Variants in EFNA5 observed in about 807,000 individuals in gnomAD.
The protein encoded by EFNA5 is ephrin A5.
EFNA5 carries 5 observed loss-of-function variants against 22.9 expected under a neutral mutation model. The ratio of observed to expected loss-of-function variants is 0.22; its 90% CI spans 0.11 to 0.46. The LOEUF (loss-of-function observed/expected upper bound fraction) is 0.46. Among genes scored for constraint, EFNA5 ranks in the 20% least tolerant of loss-of-function variants. The probability of loss-of-function intolerance (pLI) is 0.99; values close to 1 mark genes in which losing one functional copy is unlikely to be tolerated. For missense variants in EFNA5, 237 were observed against 293.3 expected (o/e 0.81, Z 1.40); for synonymous variants, 113 against 112.2 (o/e 1.01, Z -0.04).
In EFNA5 at chr5:107,631,721, G is replaced by T. The variant is rs560769764; in HGVS notation, c.125+38768C>A. ...ATCATTTTCAATTTAAAAAAGCATT[G>T]ACATAAAGTATTAATTTTCTCCTAG... On this transcript the variant is annotated intron_variant, in intron 1 of 4. Coordinates refer to ENST00000333274, the MANE Select transcript of EFNA5 (RefSeq NM_001962.3). Among the ~76,000 whole-genome samples the T allele has an allele frequency of 1.1e-3, 173 of 152,036 alleles. 1 individual carries two copies. The highest frequency in any genetic ancestry group is 2.0e-3 in the Non-Finnish European group (138 of 67,976).
intron 1 of EFNA5, among the ~76,000 whole-genome samples, chr5:107,526,953 A>G (rs937435240): frequency 3.3e-5 from 5 of 152,224 alleles, no homozygotes; most frequent in Non-Finnish European, 5.9e-5. Flanking sequence ...CTTTTAATAT[A>G]TTGACTATAG....
intron 1 of EFNA5, among the ~76,000 whole-genome samples, chr5:107,489,942 C>T (rs958819759): frequency 6.6e-6 from 1 of 152,142 alleles, no homozygotes; most frequent in Admixed American, 6.5e-5. Flanking sequence ...AACAGGATGT[C>T]CTTCAACACT....
intron 1 of EFNA5, among the ~76,000 whole-genome samples, chr5:107,520,130 G>A (rs173747): frequency 0.014 from 2,179 of 152,292 alleles, 56 homozygotes; most frequent in African/African-American, 0.05. Context: ...ATTCTTCAAC[G>A]GCAAGAGGGT....
rs182770799 is a variant in EFNA5 at position 107,659,192 on chromosome 5, T to C, written c.125+11297A>G. Among the ~76,000 whole-genome samples, 20 of 152,300 alleles carry C rather than the reference T, an allele frequency of 1.3e-4. No individual in the cohort carries two copies. In the East Asian group the frequency reaches 1.7e-3, roughly 13 times the overall value. On this transcript the variant is annotated intron_variant, in intron 1 of 4. Coordinates refer to ENST00000333274, the MANE Select transcript of EFNA5 (RefSeq NM_001962.3). The stretch of plus-strand genomic sequence containing the variant: ...CTTTTAGATATTCAATATAGGAATA[T>C]AGAATTTCTTCAGTGTGAAAACTTT...
chr5:107,631,734 A>C (rs1407223153), intron 1 of EFNA5, among the ~76,000 whole-genome samples: 2 of 152,346 alleles, frequency 1.3e-5, no homozygotes, highest in Non-Finnish European at 1.5e-5. Context: ...ATAAAGTATT[A>C]ATTTTCTCCT....
intron 1 of EFNA5, among the ~76,000 whole-genome samples, chr5:107,444,271 CTT>C (rs1413510228): frequency 6.6e-6 from 1 of 152,192 alleles, no homozygotes. Flanking sequence ...ATGCATTTAT[CTT>C]TTCCTATTAG....
At chr5:107,395,052 T>TTTTTTTTTTTTTTTTC (rs1554056358) in intron 2 of EFNA5, among the ~76,000 whole-genome samples, 1 of 144,196 alleles carries the variant, frequency 6.9e-6, no homozygotes. Context: ...TTTTTTTTTT[T>TTTTTTTTTTTTTTTTC]CCGCGAGACA....
chr5:107,452,577 T>C (rs1472735328), intron 1 of EFNA5, among the ~76,000 whole-genome samples: 1 of 151,614 alleles, frequency 6.6e-6, no homozygotes, highest in Non-Finnish European at 1.5e-5. Context: ...AGTTAAAAAA[T>C]TAGCCGGGGG....
At chr5:107,423,518 A>G (rs1464999705) in intron 2 of EFNA5, among the ~76,000 whole-genome samples, 2 of 152,000 alleles carry the variant, frequency 1.3e-5, no homozygotes, top group African/African-American at 4.8e-5. Flanking sequence ...CTGGGACTAC[A>G]GGCATGTGCT....
intron 2 of EFNA5, among the ~76,000 whole-genome samples, chr5:107,426,649 C>T (rs778811639): frequency 6.6e-6 from 1 of 152,196 alleles, no homozygotes; most frequent in African/African-American, 2.4e-5. Context: ...GTCGGAAACT[C>T]GCTCATACCA....
At chr5:107,504,217 A>G (rs1747202670) in intron 1 of EFNA5, among the ~76,000 whole-genome samples, 1 of 152,208 alleles carries the variant, frequency 6.6e-6, no homozygotes, top group Non-Finnish European at 1.5e-5. Flanking sequence ...AACTAAAAAA[A>G]GAGCTTCATT....
chr5:107,622,891 G>A (rs1413700947), intron 1 of EFNA5, among the ~76,000 whole-genome samples: 1 of 150,962 alleles, frequency 6.6e-6, no homozygotes, highest in Non-Finnish European at 1.5e-5. Context: ...CGCGGTGGCG[G>A]GCGCCTGTAG....
chr5:107,600,406 A>G (rs1405452890), intron 1 of EFNA5, among the ~76,000 whole-genome samples: 1 of 152,200 alleles, frequency 6.6e-6, no homozygotes, highest in Non-Finnish European at 1.5e-5. Context: ...CTATTCACTA[A>G]CGATTACAAC....
chr5:107,405,957 T>C (rs1210032949), intron 2 of EFNA5, among the ~76,000 whole-genome samples: 1 of 137,118 alleles, frequency 7.3e-6, no homozygotes, highest in African/African-American at 2.8e-5. Context: ...TATGTATTTA[T>C]ATACATAGAA....
At chr5:107,561,625 C>T (rs554580375) in intron 1 of EFNA5, among the ~76,000 whole-genome samples, 17 of 152,268 alleles carry the variant, frequency 1.1e-4, no homozygotes, top group African/African-American at 3.9e-4. Context: ...ACCTAAACCT[C>T]CCAGAGTGCT....
intron 1 of EFNA5, among the ~76,000 whole-genome samples, chr5:107,599,004 CA>C (rs1749532768): frequency 1.3e-5 from 2 of 152,142 alleles, no homozygotes; most frequent in Non-Finnish European, 2.9e-5. Flanking sequence ...CAGTTCAAAG[CA>C]TGGCTTCCCT....
At chr5:107,403,505 C>G (rs1748137068) in intron 2 of EFNA5, among the ~76,000 whole-genome samples, 1 of 152,198 alleles carries the variant, frequency 6.6e-6, no homozygotes, top group East Asian at 1.9e-4. Context: ...CCGTTGCAGG[C>G]AAACATAACA....
chr5:107,444,122 G>A (rs894640102), intron 1 of EFNA5, among the ~76,000 whole-genome samples: 5 of 152,252 alleles, frequency 3.3e-5, no homozygotes, highest in African/African-American at 1.2e-4. Flanking sequence ...GATGTAAGTG[G>A]TTCAGAACAG....
intron 1 of EFNA5, among the ~76,000 whole-genome samples, chr5:107,565,079 C>T (rs1309263263): frequency 6.6e-6 from 1 of 152,174 alleles, no homozygotes; most frequent in African/African-American, 2.4e-5. Context: ...CACGCTGGAA[C>T]TAATTGGCAC....
Sources: gnomAD v4.1 joint callset for allele counts (sites outside exome capture counted in the v4.1 genomes callset) on GRCh38, gnomAD v4.1.1 for gene constraint, MANE v1.5 for transcripts, NCBI Gene and HGNC (gene_info 2026-07-23, HGNC 2026-07-21) for gene names.